Variants in TDRD3 observed in about 807,000 individuals in gnomAD.
TDRD3 encodes the protein tudor domain containing 3.
TDRD3 carries 45 observed loss-of-function variants against 86.7 expected under a neutral mutation model. The observed-to-expected ratio is 0.52, with a 90% CI of 0.41 to 0.67. The LOEUF is 0.67. Ranked by LOEUF, TDRD3 falls within the 30% of genes least tolerant of loss-of-function variation. The pLI is 0.00. For synonymous variants in TDRD3, 298 were observed against 301.7 expected (o/e 0.99, Z 0.13); for missense variants, 814 against 889.0 (o/e 0.92, Z 1.07).
At chr13:60,532,385 G>A (rs1365298842) in intron 11 of TDRD3, among the ~76,000 whole-genome samples, 1 of 152,006 alleles carries the variant, frequency 6.6e-6, no homozygotes, top group African/African-American at 2.4e-5. Flanking sequence ...TTAACCATTG[G>A]GAAAAAGGTA....
At chr13:60,435,918 G>GTTTTTTT (rs767705603) in intron 1 of TDRD3, among the ~76,000 whole-genome samples, 3 of 124,774 alleles carry the variant, frequency 2.4e-5, no homozygotes, top group South Asian at 2.8e-4. Context: ...AACATCTATG[G>GTTTTTTT]TTTTTTTTTT....
chr13:60,397,553 G>T, intron 1 of TDRD3, 148 bp downstream of exon 1: 1 of 538,134 alleles, frequency 1.9e-6, no homozygotes, highest in Non-Finnish European at 2.7e-6. Context: ...GGCCGGCTCC[G>T]CCCCCGGCGC....
intron 12 of TDRD3, among the ~76,000 whole-genome samples, chr13:60,551,786 T>A (rs547214313): frequency 2.0e-5 from 3 of 152,076 alleles, no homozygotes; most frequent in African/African-American, 7.2e-5. Context: ...ACTTACAATA[T>A]GGTAAAAGGT....
chr13:60,479,247 C>A (rs1050356442), intron 5 of TDRD3, among the ~76,000 whole-genome samples: 1 of 152,166 alleles, frequency 6.6e-6, no homozygotes, highest in Non-Finnish European at 1.5e-5. Context: ...GCCTTGATTT[C>A]ATTGTTCACC....
chr13:60,504,952 G>T (rs1272253556), intron 8 of TDRD3, among the ~76,000 whole-genome samples: 14 of 152,224 alleles, frequency 9.2e-5, no homozygotes, highest in Admixed American at 9.2e-4. Flanking sequence ...TGCACACCAG[G>T]AGATTCCCTT....
chr13:60,452,963 ATGT>A (rs1311135410), intron 3 of TDRD3, among the ~76,000 whole-genome samples: 1 of 151,914 alleles, frequency 6.6e-6, no homozygotes, highest in East Asian at 1.9e-4. Context: ...GACTTTGTTA[ATGT>A]TGTTATTGTA....
At chr13:60,447,275 G>T (rs557974709) in intron 3 of TDRD3, among the ~76,000 whole-genome samples, 2 of 152,132 alleles carry the variant, frequency 1.3e-5, no homozygotes, top group Non-Finnish European at 2.9e-5. Flanking sequence ...AAATGATACG[G>T]ACCAGGAACA....
chr13:60,552,824 C>T (rs796385989), intron 12 of TDRD3, among the ~76,000 whole-genome samples: 31 of 152,362 alleles, frequency 2.0e-4, no homozygotes, highest in Middle Eastern at 3.4e-3. Flanking sequence ...GGGTCTTGCA[C>T]CCTTTGAAGC....
At chr13:60,523,012 C>A (rs371491333) in intron 10 of TDRD3, among the ~76,000 whole-genome samples, 1 of 128,660 alleles carries the variant, frequency 7.8e-6, no homozygotes, top group Non-Finnish European at 1.7e-5. Context: ...ATTATTTTTT[C>A]ACTTGCAAAA....
rs113500030 is a variant in TDRD3, at chr13:60,400,131, A to T, written c.41+2726A>T. On this transcript the variant is annotated intron_variant, in intron 1 of 13. Coordinates refer to ENST00000377881, the MANE Select transcript of TDRD3 (RefSeq NM_001146070.2). ...AGTAGTGATAATGTTTAAATAATGC[A>T]CTAAATGGTACCTTGTAAAGCTTAA... 3.4e-3 allele frequency among the ~76,000 whole-genome samples: 514 copies of T among 152,350 alleles called. 4 individuals are homozygous for T. The highest frequency in any genetic ancestry group is 0.012 in the African/African-American group (490 of 41,588).
intron 12 of TDRD3, among the ~76,000 whole-genome samples, chr13:60,560,645 C>A (rs1436922816): frequency 2.6e-5 from 4 of 151,938 alleles, no homozygotes; most frequent in Non-Finnish European, 5.9e-5. Context: ...TGTTAAAGTT[C>A]AGATGTCTTG....
intron 5 of TDRD3, among the ~76,000 whole-genome samples, chr13:60,479,940 C>T (rs1042809618): frequency 2.0e-5 from 3 of 152,162 alleles, no homozygotes; most frequent in Admixed American, 2.0e-4. Context: ...TTGAGTCTTG[C>T]TTCTTTATCC....
chr13:60,502,602 T>C (rs537302958), intron 8 of TDRD3, among the ~76,000 whole-genome samples: 10 of 152,178 alleles, frequency 6.6e-5, no homozygotes, highest in Non-Finnish European at 1.3e-4. Context: ...AAAGCTGAGC[T>C]CAGCCATGGG....
intron 1 of TDRD3, among the ~76,000 whole-genome samples, chr13:60,429,138 CA>C (rs1174139974): frequency 6.6e-6 from 1 of 152,158 alleles, no homozygotes; most frequent in South Asian, 2.1e-4. Context: ...ACTCTTTTGA[CA>C]AAAAATTTAT....
chr13:60,459,673 T>G (rs978500029), intron 3 of TDRD3, among the ~76,000 whole-genome samples: 1 of 152,226 alleles, frequency 6.6e-6, no homozygotes, highest in Non-Finnish European at 1.5e-5. Context: ...CAGGCTGCAG[T>G]GCAATGGCTT....
At chr13:60,456,018 C>T (rs1016138133) in intron 3 of TDRD3, among the ~76,000 whole-genome samples, 11 of 138,428 alleles carry the variant, frequency 7.9e-5, no homozygotes, top group Admixed American at 2.5e-4. Context: ...TGCAGTGAGC[C>T]GAGATCAAGC....
Position 60,528,680 on chromosome 13 carries a change from T to A in TDRD3, c.1455T>A (p.Tyr485Ter). ...ATGACAGAACTAAAGATACTTCATA[T>A]CCTTTAGGTTCTCAGCATAGTGATG... The part of the protein sequence containing the change: ...SRYDRTKDTS[Y>*]PLGSQHSDGA... The change falls in exon 11 of 14, where the codon TAT becomes TAA. Residue 485 changes from tyrosine to a stop codon, truncating the protein, a stop_gained. Transcript: ENST00000377881. LOFTEE classifies it high-confidence loss of function. 6.2e-7 allele frequency: 1 copy of A among 1,613,622 alleles called. No individual in the cohort carries two copies. Among genetic ancestry groups the A allele is most frequent in the Non-Finnish European group, 8.5e-7 (1 of 1,179,784 alleles).
chr13:60,563,951 A>AT, intron 12 of TDRD3, among the ~76,000 whole-genome samples: 1 of 152,210 alleles, frequency 6.6e-6, no homozygotes, highest in East Asian at 1.9e-4. Flanking sequence ...TTATAGATGA[A>AT]GTTGTGTATC....
At chr13:60,560,553 T>C (rs1958308500) in intron 12 of TDRD3, among the ~76,000 whole-genome samples, 1 of 152,024 alleles carries the variant, frequency 6.6e-6, no homozygotes. Flanking sequence ...AATGTGTAGA[T>C]CTTAGTGATG....
Sources: gnomAD v4.1 joint callset for allele counts (sites outside exome capture counted in the v4.1 genomes callset) on GRCh38, gnomAD v4.1.1 for gene constraint, MANE v1.5 for transcripts, NCBI Gene and HGNC (gene_info 2026-07-23, HGNC 2026-07-21) for gene names.